Variants in TUSC3 observed in about 807,000 individuals in gnomAD.
TUSC3 encodes tumor suppressor candidate 3.
A neutral mutation model predicts 44.8 loss-of-function variants in TUSC3; 45 were observed. The observed-to-expected ratio is 1.00, with a 90% CI of 0.79 to 1.29. The LOEUF is 1.29. TUSC3 is among the 50% of genes most tolerant of loss of function. The pLI is 0.00. For missense variants in TUSC3, 519 were observed against 437.9 expected, an observed-to-expected ratio of 1.19 and a Z score of -1.65; for synonymous variants, 212 against 152.9, an observed-to-expected ratio of 1.39 and a Z score of -2.85.
At position 15,743,529 on chromosome 8, in the gene TUSC3, C is replaced by G. The variant is rs1266240958; in HGVS notation, c.863-9C>G. On this transcript the variant is annotated splice_polypyrimidine_tract_variant and intron_variant, in intron 7 of 10. Coordinates refer to ENST00000503731, the MANE Select transcript of TUSC3 (RefSeq NM_006765.4). The stretch of plus-strand genomic sequence containing the variant: ...TCTATGTCTACGGCTTCCTTGACAA[C>G]TACTGCAGATGCCGCTATCACCATG... The G allele has an allele frequency of 1.9e-5, 31 of 1,613,824 alleles. No individual in the cohort carries two copies. Among genetic ancestry groups the G allele is most frequent in the Non-Finnish European group, 2.6e-5 (31 of 1,179,728 alleles).
intron 1 of TUSC3, among the ~76,000 whole-genome samples, chr8:15,464,420 A>G (rs1444299262): frequency 6.6e-6 from 1 of 152,198 alleles, no homozygotes; most frequent in East Asian, 1.9e-4. Context: ...TTGGATCCCT[A>G]TTATGTGCCA....
At chr8:15,687,423 G>C (rs1808684930) in intron 6 of TUSC3, among the ~76,000 whole-genome samples, 1 of 152,146 alleles carries the variant, frequency 6.6e-6, no homozygotes, top group South Asian at 2.1e-4. Context: ...CACTGCATCT[G>C]ATGTCTTTCA....
At chr8:15,658,665 CAATAT>C (rs1462611832) in intron 3 of TUSC3, among the ~76,000 whole-genome samples, 17 of 143,664 alleles carry the variant, frequency 1.2e-4, no homozygotes, top group African/African-American at 3.3e-4. Flanking sequence ...CACACAAATA[CAATAT>C]ATATACACAT....
At chr8:15,487,715 G>C (rs961817045) in intron 2 of TUSC3, among the ~76,000 whole-genome samples, 9 of 152,158 alleles carry the variant, frequency 5.9e-5, no homozygotes, top group Admixed American at 2.6e-4. Context: ...ATATGCTAAA[G>C]TATTTATTTG....
chr8:15,806,676 TC>T, the TUSC3 span: 30 of 983,142 alleles, frequency 3.1e-5, no homozygotes, highest in Admixed American at 5.2e-4. Flanking sequence ...GTAGGACCTT[TC>T]CCATGGATAC....
At chr8:15,724,679 C>G (rs1396297785) in intron 6 of TUSC3, among the ~76,000 whole-genome samples, 1 of 152,056 alleles carries the variant, frequency 6.6e-6, no homozygotes, top group Non-Finnish European at 1.5e-5. Context: ...TTTTGCATGT[C>G]CATTGCCCTT....
chr8:15,849,380 A>C, the TUSC3 span, among the ~76,000 whole-genome samples: 4 of 152,194 alleles, frequency 2.6e-5, no homozygotes. Context: ...TCACCCTGGA[A>C]TTCATTTTCT....
At chr8:15,536,440 G>A (rs1294203777), upstream of TUSC3, among the ~76,000 whole-genome samples, 1 of 151,974 alleles carries the variant, frequency 6.6e-6, no homozygotes, top group East Asian at 1.9e-4. Flanking sequence ...CCAGCACTTT[G>A]GGATGCCGAG....
intron 2 of TUSC3, among the ~76,000 whole-genome samples, chr8:15,526,135 C>T (rs1801370172): frequency 6.6e-6 from 1 of 152,020 alleles, no homozygotes; most frequent in African/African-American, 2.4e-5. Flanking sequence ...AGGGTTCCCG[C>T]CATTCTTCTG....
At chr8:15,810,631 C>T in the TUSC3 span, among the ~76,000 whole-genome samples, 1 of 151,656 alleles carries the variant, frequency 6.6e-6, no homozygotes, top group Non-Finnish European at 1.5e-5. Context: ...GAGCAAGATC[C>T]TATCTTGTGG....
At position 15,481,609 on chromosome 8, in the gene TUSC3, G is replaced by A. The variant is rs140092267; in HGVS notation, n.92-1777G>A. ...TAAAGCAGGTATCACAGTAAAGCAG[G>A]TCACATGAAGCTTTTGGTTTCCAGT... On this transcript the variant is annotated intron_variant and non_coding_transcript_variant, in intron 1 of 5. Transcript: ENST00000503191. Among the ~76,000 whole-genome samples the A allele has an allele frequency of 1.8e-3, 277 of 152,202 alleles. 1 individual carries two copies. Among genetic ancestry groups the A allele is most frequent in the African/African-American group, 6.2e-3 (258 of 41,506 alleles).
chr8:15,425,493 C>G (rs1489510218), intron 1 of TUSC3, among the ~76,000 whole-genome samples: 1 of 152,174 alleles, frequency 6.6e-6, no homozygotes, highest in Non-Finnish European at 1.5e-5. Context: ...TAAGAAGATG[C>G]AGAAGGCAAG....
At chr8:15,430,279 C>T (rs933054062) in intron 1 of TUSC3, among the ~76,000 whole-genome samples, 5 of 147,524 alleles carry the variant, frequency 3.4e-5, no homozygotes, top group Non-Finnish European at 7.5e-5. Context: ...GCTTATCCAC[C>T]ATGATCAAGT....
At chr8:15,424,328 A>G (rs372198745) in intron 1 of TUSC3, among the ~76,000 whole-genome samples, 79 of 152,186 alleles carry the variant, frequency 5.2e-4, no homozygotes, top group African/African-American at 1.8e-3. Flanking sequence ...CAGCAACTCT[A>G]GAACAACCTG....
chr8:15,699,964 G>A (rs1809326581), intron 6 of TUSC3, among the ~76,000 whole-genome samples: 1 of 151,988 alleles, frequency 6.6e-6, no homozygotes, highest in South Asian at 2.1e-4. Context: ...CAGCAGAAAG[G>A]GCATTCCAAT....
intron 1 of TUSC3, among the ~76,000 whole-genome samples, chr8:15,610,539 A>G (rs894415895): frequency 6.6e-6 from 1 of 152,218 alleles, no homozygotes. Context: ...GGCAACAGCA[A>G]TTCTTAAGTT....
intron 1 of TUSC3, among the ~76,000 whole-genome samples, chr8:15,601,901 T>C (rs73193376): frequency 0.011 from 1,264 of 113,156 alleles, 9 homozygotes; most frequent in South Asian, 0.034. Flanking sequence ...TCATATAATA[T>C]TGTGGTTATT....
chr8:15,805,396 C>T, the TUSC3 span, among the ~76,000 whole-genome samples: 1 of 152,070 alleles, frequency 6.6e-6, no homozygotes, highest in African/African-American at 2.4e-5. Context: ...GAGTGGGCAT[C>T]TTTGTCTTGC....
chr8:15,426,172 T>C (rs925439725), intron 1 of TUSC3, among the ~76,000 whole-genome samples: 13 of 152,344 alleles, frequency 8.5e-5, no homozygotes, highest in African/African-American at 3.1e-4. Flanking sequence ...TATCCCATCA[T>C]CACAATCAAG....
Sources: allele counts gnomAD v4.1 joint callset (sites outside exome capture counted in the v4.1 genomes callset), GRCh38; gene constraint gnomAD v4.1.1; transcripts MANE v1.5; gene names NCBI Gene and HGNC (gene_info 2026-07-23, HGNC 2026-07-21).